The following INO80C variants were observed in gnomAD, a reference collection of about 807,000 sequenced individuals.
INO80C encodes IES6 homolog.
In INO80C, 17 loss-of-function variants were observed where a neutral mutation model predicts 17.7. The ratio of observed to expected loss-of-function variants is 0.96; its 90% confidence interval spans 0.66 to 1.44. The LOEUF (loss-of-function observed/expected upper bound fraction) is 1.44. Ranked by LOEUF, INO80C falls within the 40% of genes most tolerant of loss-of-function variation. The pLI, the probability that INO80C is intolerant of heterozygous loss-of-function variation, is 0.00. For missense variants in INO80C, 244 were observed against 245.0 expected, an observed-to-expected ratio of 1.00 and a Z score of 0.03; for synonymous variants, 96 against 95.8, an observed-to-expected ratio of 1.00 and a Z score of -0.01.
chr18:35,478,373 TAACTA>T, intron 3 of INO80C, 24 bp from the exon 4 acceptor site: 3 of 1,268,466 alleles, frequency 2.4e-6, no homozygotes, highest in Non-Finnish European at 2.2e-6. Context: ...AAAAAAAAGA[TAACTA>T]AACTGAACTG....
At chr18:35,493,719 G>A (rs1331324838) in intron 1 of INO80C, among the ~76,000 whole-genome samples, 1 of 152,172 alleles carries the variant, frequency 6.6e-6, no homozygotes, top group Non-Finnish European at 1.5e-5. Context: ...TTTCAGGAAA[G>A]TTAAACCCAC....
Position 35,497,702 on chromosome 18 carries a change from G to A in INO80C, c.156+17C>T, listed in dbSNP as rs1429890945. On this transcript the variant is annotated intron_variant, in intron 1 of 4. Transcript: ENST00000334598. ...TTTCGCGACGCGCACGCGCAGCCTG[G>A]GAGCGCGACTGCGTACCTGCGCAAA... is the stretch of plus-strand genomic sequence containing the variant. 1.9e-6 allele frequency: 3 copies of A among 1,608,052 alleles called. No individual in the cohort carries two copies. Among genetic ancestry groups the A allele is most frequent in the East Asian group, 2.3e-5 (1 of 44,366 alleles).
At chr18:35,477,163 G>A (rs2045746655) in intron 4 of INO80C, among the ~76,000 whole-genome samples, 1 of 152,210 alleles carries the variant, frequency 6.6e-6, no homozygotes, top group Admixed American at 6.5e-5. Context: ...ATAATCGCTT[G>A]AACCCAGGAG....
In INO80C at chr18:35,497,773, G is replaced by A. The variant is rs148828966; in HGVS notation, c.102C>T (p.Gly34=). ...TCTTCTTACTGGCGCCATAGCCCCC[G>A]CCGCTGCTGCCATTGTGGGAAGGGC... The part of the protein sequence containing the change: ...PASPSHNGSS[G]GGYGASKKKK... Residue 34 remains glycine (G), a synonymous_variant, in exon 1 of 5, where the codon GGC becomes GGT. Transcript: ENST00000334598. 14 of 1,611,572 alleles carry A rather than the reference G, an allele frequency of 8.7e-6. No homozygotes were observed. The highest frequency in any genetic ancestry group is 1.1e-5 in the Non-Finnish European group (13 of 1,178,912).
At chr18:35,482,058 T>G (rs1246422766) in intron 1 of INO80C, among the ~76,000 whole-genome samples, 1 of 152,228 alleles carries the variant, frequency 6.6e-6, no homozygotes, top group African/African-American at 2.4e-5. Context: ...CTTCAGCTAT[T>G]ACAAATAAAG....
chr18:35,468,596 C>T lies in INO80C; in HGVS notation c.*15G>A, dbSNP rs1324409866. On this transcript the variant is annotated 3_prime_UTR_variant, in exon 5 of 5. Transcript: ENST00000334598. ...TTTTTGAAACAGCTTTCCACTTCAT[C>T]TCCCTTTCTGGGGCTCAGGGAACGA... 1 of 1,614,098 alleles carries T rather than the reference C, an allele frequency of 6.2e-7. No homozygotes were observed. The highest frequency in any genetic ancestry group is 8.5e-7 in the Non-Finnish European group (1 of 1,179,990).
chr18:35,472,288 C>G (rs532788592), intron 4 of INO80C, among the ~76,000 whole-genome samples: 1 of 152,158 alleles, frequency 6.6e-6, no homozygotes, highest in Admixed American at 6.5e-5. Flanking sequence ...TTTGAATGAT[C>G]GCCATTCTAA....
At chr18:35,474,819 C>T (rs939965079) in intron 4 of INO80C, among the ~76,000 whole-genome samples, 1 of 152,136 alleles carries the variant, frequency 6.6e-6, no homozygotes, top group African/African-American at 2.4e-5. Flanking sequence ...CATTGGTATA[C>T]TCTATACAGT....
chr18:35,474,184 T>C (rs1186403472), intron 4 of INO80C, among the ~76,000 whole-genome samples: 3 of 126,634 alleles, frequency 2.4e-5, no homozygotes, highest in Non-Finnish European at 3.2e-5. Flanking sequence ...TATGTATATA[T>C]ATGTGTATAT....
At chr18:35,477,498 GA>G (rs1406512399) in intron 4 of INO80C, among the ~76,000 whole-genome samples, 1 of 152,116 alleles carries the variant, frequency 6.6e-6, no homozygotes, top group Non-Finnish European at 1.5e-5. Flanking sequence ...CCAAATTTAT[GA>G]GATGAAAAAG....
chr18:35,477,549 T>C (rs1021626892), intron 4 of INO80C, among the ~76,000 whole-genome samples: 1 of 152,180 alleles, frequency 6.6e-6, no homozygotes, highest in African/African-American at 2.4e-5. Flanking sequence ...TAAAAGAATC[T>C]CTAAGTTCAT....
chr18:35,497,251 C>A (rs2045992461), intron 1 of INO80C: 1 of 815,046 alleles, frequency 1.2e-6, no homozygotes. Flanking sequence ...GATTGGGAAA[C>A]CCAGGGTCAA....
At chr18:35,483,980 A>T (rs2045844589) in intron 1 of INO80C, among the ~76,000 whole-genome samples, 1 of 152,254 alleles carries the variant, frequency 6.6e-6, no homozygotes, top group Non-Finnish European at 1.5e-5. Flanking sequence ...ATAGAATTTT[A>T]AAAACCCTGT....
chr18:35,490,106 TGC>T (rs1220165263), intron 1 of INO80C, among the ~76,000 whole-genome samples: 1 of 152,094 alleles, frequency 6.6e-6, no homozygotes, highest in African/African-American at 2.4e-5. Flanking sequence ...GGAGCTGGCA[TGC>T]AGGGCAGGAA....
At chr18:35,483,345 G>A (rs1015531239) in intron 1 of INO80C, 1 of 152,064 alleles carries the variant, frequency 6.6e-6, no homozygotes, top group African/African-American at 2.4e-5. Context: ...TTAGCCAGCT[G>A]TCAATGTTAT....
At chr18:35,484,497 C>A (rs2045850111) in intron 1 of INO80C, among the ~76,000 whole-genome samples, 2 of 152,176 alleles carry the variant, frequency 1.3e-5, no homozygotes, top group African/African-American at 2.4e-5. Context: ...TTCAAGCAAC[C>A]ACAGACAGAA....
At chr18:35,473,301 A>G (rs1457169515) in intron 4 of INO80C, among the ~76,000 whole-genome samples, 1 of 152,162 alleles carries the variant, frequency 6.6e-6, no homozygotes, top group African/African-American at 2.4e-5. Flanking sequence ...CAGGCAACAG[A>G]CAAGAGGTAG....
At chr18:35,484,833 C>T (rs2045854029) in intron 1 of INO80C, among the ~76,000 whole-genome samples, 1 of 152,160 alleles carries the variant, frequency 6.6e-6, no homozygotes, top group African/African-American at 2.4e-5. Flanking sequence ...ATGGCTGACT[C>T]TAGGGCTGGA....
chr18:35,497,671 G>T (rs375910603), intron 1 of INO80C, 48 bp downstream of exon 1: 44 of 1,584,030 alleles, frequency 2.8e-5, no homozygotes, highest in Non-Finnish European at 3.8e-5. Flanking sequence ...GCCCCGCCAA[G>T]TCCCGTTTCG....
Sources: allele counts gnomAD v4.1 joint callset (sites outside exome capture counted in the v4.1 genomes callset), GRCh38; gene constraint gnomAD v4.1.1; transcripts MANE v1.5; gene names NCBI Gene and HGNC (gene_info 2026-07-23, HGNC 2026-07-21).